The following PRKN variants were observed in gnomAD, a reference collection of about 807,000 sequenced individuals.
PRKN encodes parkin RBR E3 ubiquitin protein ligase.
Under a neutral mutation model 59.5 loss-of-function variants are expected in PRKN, and 56 were observed. That is an observed-to-expected ratio of 0.94 (90% CI 0.76 to 1.18). The LOEUF is 1.18. PRKN is among the 50% of genes most tolerant of loss of function. The pLI is 0.00. For missense variants in PRKN, 657 were observed against 596.4 expected (o/e 1.10, Z -1.06); for synonymous variants, 250 against 222.1 (o/e 1.13, Z -1.12).
chr6:161,585,685 G>A (rs1216051188), intron 7 of PRKN, among the ~76,000 whole-genome samples: 2 of 152,176 alleles, frequency 1.3e-5, no homozygotes, highest in Non-Finnish European at 2.9e-5. Context: ...TGAGTTTCAG[G>A]CTTTGTTGCA....
intron 1 of PRKN, among the ~76,000 whole-genome samples, chr6:162,591,992 CATTT>C (rs1382343807): frequency 1.3e-5 from 2 of 151,898 alleles, no homozygotes; most frequent in East Asian, 3.9e-4. Context: ...ACCAGAACCT[CATTT>C]TTTTGTTTGT....
chr6:161,358,201 T>C (rs899860497), intron 11 of PRKN, among the ~76,000 whole-genome samples: 1 of 152,182 alleles, frequency 6.6e-6, no homozygotes, highest in Non-Finnish European at 1.5e-5. Context: ...GTAGAATTAT[T>C]GGGTCAAATA....
rs541163018 is a variant in PRKN, at chr6:162,502,167, G to A, written c.8-58694C>T. On this transcript the variant is annotated intron_variant, in intron 1 of 11. Coordinates refer to ENST00000366898, the MANE Select transcript of PRKN (RefSeq NM_004562.3). ...CTGAAACTGATGAGAGGCATCCCACGCCCCTCTTTTTTGAGACAAGGTCTC... is the reference window on the plus strand; with the variant it reads ...CTGAAACTGATGAGAGGCATCCCACACCCCTCTTTTTTGAGACAAGGTCTC... 1.3e-4 allele frequency among the ~76,000 whole-genome samples: 20 copies of A among 152,046 alleles called. No homozygotes were observed. The South Asian group carries it at 2.9e-3, about 22-fold the overall frequency.
In PRKN at chr6:161,755,125, T is replaced by C. The variant is rs538894005; in HGVS notation, c.871+30647A>G. 2.6e-5 allele frequency among the ~76,000 whole-genome samples: 4 copies of C among 152,334 alleles called. No individual in the cohort carries two copies. The South Asian group carries it at 8.3e-4, about 32-fold the overall frequency. On this transcript the variant is annotated intron_variant, in intron 7 of 11. Coordinates refer to ENST00000366898, the MANE Select transcript of PRKN (RefSeq NM_004562.3). ...TTTATTCCTTTGTTCATTGATAACA[T>C]TGCATACCCATAGCGTGTGACAGTT...
At chr6:162,314,929 T>C (rs1049188672) in intron 2 of PRKN, among the ~76,000 whole-genome samples, 3 of 152,116 alleles carry the variant, frequency 2.0e-5, no homozygotes, top group African/African-American at 7.2e-5. Flanking sequence ...GCATCCTATA[T>C]TTATATAATT....
At chr6:161,745,166 G>A (rs1429040437) in intron 7 of PRKN, among the ~76,000 whole-genome samples, 1 of 152,170 alleles carries the variant, frequency 6.6e-6, no homozygotes, top group Non-Finnish European at 1.5e-5. Context: ...ATTAGATCTG[G>A]TTCTTCCCTT....
chr6:162,626,349 G>A (rs1782892387), intron 1 of PRKN, among the ~76,000 whole-genome samples: 1 of 152,176 alleles, frequency 6.6e-6, no homozygotes. Flanking sequence ...CTCAGGGACA[G>A]CATAATACTT....
rs187585868 is a variant in PRKN, at chr6:162,361,370, G to A, written c.171+81940C>T. ...GGGTTAGATGAGGTCACGAGGATGA[G>A]GTCACAAGCCAGGATTGGAAAGCTT... On this transcript the variant is annotated intron_variant, in intron 2 of 11. Coordinates refer to ENST00000366898, the MANE Select transcript of PRKN (RefSeq NM_004562.3). 1.6e-3 allele frequency among the ~76,000 whole-genome samples: 250 copies of A among 152,116 alleles called. 1 individual carries two copies. The highest frequency in any genetic ancestry group is 5.8e-3 in the African/African-American group (239 of 41,488).
chr6:161,736,983 A>T (rs1426624371), intron 7 of PRKN, among the ~76,000 whole-genome samples: 1 of 152,198 alleles, frequency 6.6e-6, no homozygotes, highest in East Asian at 1.9e-4. Flanking sequence ...CTGACCAAGC[A>T]TAGCTCAGCG....
chr6:161,821,697 G>A (rs1271330109), intron 6 of PRKN, among the ~76,000 whole-genome samples: 1 of 123,884 alleles, frequency 8.1e-6, no homozygotes, highest in Non-Finnish European at 1.7e-5. Context: ...CTTCACTTTT[G>A]GAAAATATTT....
Position 162,562,721 on chromosome 6 carries a change from C to T in PRKN, c.8-119248G>A, listed in dbSNP as rs189927562. ...AGACTTTTGACTCTAGTTCCTGACCCCCAGATGGCACCTCTGGACCTACCC... is the reference window on the plus strand; with the variant it reads ...AGACTTTTGACTCTAGTTCCTGACCTCCAGATGGCACCTCTGGACCTACCC... On this transcript the variant is annotated intron_variant, in intron 1 of 11. Transcript: ENST00000366898. Among the ~76,000 whole-genome samples, 653 of 152,244 alleles carry T rather than the reference C, an allele frequency of 4.3e-3. 1 individual carries two copies. Among genetic ancestry groups the T allele is most frequent in the Non-Finnish European group, 7.4e-3 (502 of 68,008 alleles).
chr6:162,135,865 C>T (rs539564268), intron 4 of PRKN, among the ~76,000 whole-genome samples: 1 of 152,060 alleles, frequency 6.6e-6, no homozygotes, highest in Admixed American at 6.5e-5. Context: ...ATTTAAAGAA[C>T]AAAATAAAAG....
chr6:162,337,295 C>T (rs1055402755), intron 2 of PRKN, among the ~76,000 whole-genome samples: 3 of 152,156 alleles, frequency 2.0e-5, no homozygotes, highest in Non-Finnish European at 4.4e-5. Context: ...TATCTCACCT[C>T]CCCCATCCTC....
chr6:161,785,545 T>C (rs75385853), intron 7 of PRKN, among the ~76,000 whole-genome samples: 1 of 152,198 alleles, frequency 6.6e-6, no homozygotes, highest in Non-Finnish European at 1.5e-5. Context: ...GACAAACTTA[T>C]TCTCAATGCC....
At chr6:162,047,373 T>TA (rs1374127444) in intron 5 of PRKN, among the ~76,000 whole-genome samples, 1 of 152,210 alleles carries the variant, frequency 6.6e-6, no homozygotes, top group Non-Finnish European at 1.5e-5. Context: ...CTTGTGCTGA[T>TA]AGTTATTGTA....
intron 1 of PRKN, among the ~76,000 whole-genome samples, chr6:162,598,040 C>T (rs930450598): frequency 6.6e-6 from 1 of 152,034 alleles, no homozygotes; most frequent in Non-Finnish European, 1.5e-5. Context: ...AATAGAATCA[C>T]GATGGAAATG....
chr6:162,040,667 C>T (rs1377268178), intron 5 of PRKN, among the ~76,000 whole-genome samples: 6 of 150,100 alleles, frequency 4.0e-5, no homozygotes, highest in Non-Finnish European at 5.9e-5. Flanking sequence ...GTGCCACCCA[C>T]CTCGGCCTCT....
chr6:161,616,021 C>T (rs1236933602), intron 7 of PRKN, among the ~76,000 whole-genome samples: 1 of 152,176 alleles, frequency 6.6e-6, no homozygotes, highest in Non-Finnish European at 1.5e-5. Flanking sequence ...TCTCCCGTCT[C>T]TCTTCTGGCC....
intron 10 of PRKN, among the ~76,000 whole-genome samples, chr6:161,368,122 G>C (rs1785282696): frequency 6.6e-6 from 1 of 151,466 alleles, no homozygotes; most frequent in Non-Finnish European, 1.5e-5. Flanking sequence ...ACTTTTGAGA[G>C]CACAGTTTTC....
Sources: allele counts gnomAD v4.1 joint callset (sites outside exome capture counted in the v4.1 genomes callset), GRCh38; gene constraint gnomAD v4.1.1; transcripts MANE v1.5; gene names NCBI Gene and HGNC (gene_info 2026-07-23, HGNC 2026-07-21).